Variants in BRAF observed in about 807,000 individuals in gnomAD.
BRAF encodes the protein B-Raf proto-oncogene, serine/threonine kinase.
BRAF carries 16 observed loss-of-function variants against 104.6 expected under a neutral mutation model. The observed-to-expected ratio is 0.15, with a 90% CI of 0.10 to 0.23. The LOEUF is 0.23. Among genes scored for constraint, BRAF ranks in the 10% least tolerant of loss-of-function variants. The pLI, the probability that BRAF is intolerant of heterozygous loss-of-function variation, is 1.00. For synonymous variants in BRAF, 310 were observed against 341.6 expected (o/e 0.91, Z 1.02); for missense variants, 541 against 937.3 (o/e 0.58, Z 5.52).
At chr7:140,818,314 ATTT>A (rs1327965535) in intron 3 of BRAF, among the ~76,000 whole-genome samples, 6 of 142,646 alleles carry the variant, frequency 4.2e-5, no homozygotes, top group African/African-American at 1.3e-4. Flanking sequence ...AAGTATTTTA[ATTT>A]TTTTTTTTTT....
At chr7:140,796,480 G>C (rs1404569587) in intron 7 of BRAF, among the ~76,000 whole-genome samples, 1 of 152,150 alleles carries the variant, frequency 6.6e-6, no homozygotes, top group African/African-American at 2.4e-5. Flanking sequence ...CACCAAGTTA[G>C]GAATATGACA....
At chr7:140,819,553 T>G (rs954058777) in intron 3 of BRAF, among the ~76,000 whole-genome samples, 1 of 152,136 alleles carries the variant, frequency 6.6e-6, no homozygotes, top group African/African-American at 2.4e-5. Context: ...GCAGCATTGC[T>G]CATAACAGCT....
At chr7:140,884,772 G>A (rs1412298995) in intron 1 of BRAF, among the ~76,000 whole-genome samples, 1 of 151,884 alleles carries the variant, frequency 6.6e-6, no homozygotes, top group African/African-American at 2.4e-5. Flanking sequence ...AAAAATTATG[G>A]AGGACCCTAG....
At chr7:140,851,861 A>G (rs1809196886) in intron 1 of BRAF, among the ~76,000 whole-genome samples, 1 of 152,160 alleles carries the variant, frequency 6.6e-6, no homozygotes, top group Non-Finnish European at 1.5e-5. Context: ...ATTTTGGAAA[A>G]TTCCCTATAC....
chr7:140,827,342 C>G (rs1488020628), intron 3 of BRAF, among the ~76,000 whole-genome samples: 1 of 152,142 alleles, frequency 6.6e-6, no homozygotes, highest in Non-Finnish European at 1.5e-5. Context: ...TCCATTGCTT[C>G]TGTGCAGTGC....
chr7:140,716,998 T>TTTTG (rs1221305729), downstream of BRAF, among the ~76,000 whole-genome samples: 3 of 152,188 alleles, frequency 2.0e-5, no homozygotes, highest in African/African-American at 7.2e-5. Context: ...AGCAGGTGCC[T>TTTTG]TTTGTTTACA....
At chr7:140,734,452 T>C in intron 19 of BRAF, 1 of 1,551,648 alleles carries the variant, frequency 6.4e-7, no homozygotes, top group Non-Finnish European at 8.6e-7. Context: ...GGGGAAAAAT[T>C]ATATCTAGTC....
In BRAF at chr7:140,725,796, C is replaced by A; in HGVS notation, c.*698G>T. Reference sequence around the variant, plus strand: ...TATCTAGCCTGCTTGGTTAGACAGACCCCTCAGTGAGCAAGGAAACAAAAG... The same window carrying A: ...TATCTAGCCTGCTTGGTTAGACAGAACCCTCAGTGAGCAAGGAAACAAAAG... On this transcript the variant is annotated 3_prime_UTR_variant, in exon 20 of 20. Transcript: ENST00000644969. 1.9e-6 allele frequency: 2 copies of A among 1,063,098 alleles called. No individual in the cohort carries two copies. The highest frequency in any genetic ancestry group is 1.1e-6 in the Non-Finnish European group (1 of 878,054). 65.9% of individuals were successfully genotyped at this position (1,063,098 alleles called of 1,614,324 possible).
At chr7:140,809,721 G>A (rs1416353047) in intron 3 of BRAF, among the ~76,000 whole-genome samples, 1 of 152,176 alleles carries the variant, frequency 6.6e-6, no homozygotes, top group East Asian at 1.9e-4. Flanking sequence ...TTCTACTGTA[G>A]TTCTGTAGAT....
intron 3 of BRAF, among the ~76,000 whole-genome samples, chr7:140,833,036 G>T (rs986860735): frequency 2.0e-5 from 3 of 151,820 alleles, no homozygotes; most frequent in Non-Finnish European, 4.4e-5. Context: ...ACCACGCCCC[G>T]CTAATCTTTT....
At chr7:140,922,626 A>G (rs1818350499) in intron 1 of BRAF, among the ~76,000 whole-genome samples, 1 of 152,252 alleles carries the variant, frequency 6.6e-6, no homozygotes, top group African/African-American at 2.4e-5. Flanking sequence ...CTACACATCT[A>G]TTACAGAGTA....
chr7:140,813,969 G>C (rs1229709178), intron 3 of BRAF, among the ~76,000 whole-genome samples: 2 of 151,906 alleles, frequency 1.3e-5, no homozygotes, highest in Non-Finnish European at 2.9e-5. Flanking sequence ...TGTATATTTA[G>C]GCCAGGGTGA....
intron 14 of BRAF, among the ~76,000 whole-genome samples, chr7:140,766,723 G>C (rs1183206677): frequency 1.3e-5 from 2 of 151,550 alleles, no homozygotes; most frequent in African/African-American, 2.4e-5. Flanking sequence ...GATAATTTTT[G>C]TATTTTTTGT....
intron 1 of BRAF, among the ~76,000 whole-genome samples, chr7:140,893,244 A>G (rs898714417): frequency 6.6e-5 from 10 of 150,656 alleles, no homozygotes; most frequent in South Asian, 4.2e-4. Context: ...GCTGTTCCCC[A>G]TAACATTCTT....
downstream of BRAF, among the ~76,000 whole-genome samples, chr7:140,718,739 G>T (rs1422601740): frequency 6.6e-6 from 1 of 152,140 alleles, no homozygotes; most frequent in Non-Finnish European, 1.5e-5. Context: ...CCAGTAATTT[G>T]ATATATTTTG....
intron 14 of BRAF, among the ~76,000 whole-genome samples, chr7:140,770,602 T>C (rs931702620): frequency 6.7e-6 from 1 of 148,926 alleles, no homozygotes; most frequent in African/African-American, 2.5e-5. Context: ...TCTTAAGATA[T>C]CTGGGTCCTT....
Position 140,722,470 on chromosome 7 carries a change from T to C in BRAF, c.*4024A>G. ...TTGGCAAATTGTCAAGGTATTTTTC[T>C]AGAGCCTCACCTACACCATTTCAAC... On this transcript the variant is annotated 3_prime_UTR_variant, in exon 20 of 20. Coordinates refer to ENST00000644969, the MANE Select transcript of BRAF (RefSeq NM_001374258.1). 9.5e-7 allele frequency: 1 copy of C among 1,055,542 alleles called. No individual in the cohort carries two copies. Among genetic ancestry groups the C allele is most frequent in the Non-Finnish European group, 1.1e-6 (1 of 873,114 alleles). 65.4% of individuals were successfully genotyped at this position (1,055,542 alleles called of 1,614,324 possible).
At position 140,721,653 on chromosome 7, in the gene BRAF, C is replaced by A; in HGVS notation, c.*4841G>T. 4 of 1,535,156 alleles carry A rather than the reference C, an allele frequency of 2.6e-6. No homozygotes were observed. The highest frequency in any genetic ancestry group is 3.5e-6 in the Non-Finnish European group (4 of 1,146,408). On this transcript the variant is annotated 3_prime_UTR_variant, in exon 20 of 20. Coordinates refer to ENST00000644969, the MANE Select transcript of BRAF (RefSeq NM_001374258.1). ...GAGATGCTACTACCCTCTTCTGGGG[C>A]TCAACTACCGATGGGCATCAGTAAT...
At chr7:140,890,017 T>C (rs1814038836) in intron 1 of BRAF, among the ~76,000 whole-genome samples, 1 of 152,222 alleles carries the variant, frequency 6.6e-6, no homozygotes, top group South Asian at 2.1e-4. Context: ...TGGTGAAGAC[T>C]TATGGTAAGG....
Sources: allele counts gnomAD v4.1 joint callset (sites outside exome capture counted in the v4.1 genomes callset), GRCh38; gene constraint gnomAD v4.1.1; transcripts MANE v1.5; gene names NCBI Gene and HGNC (gene_info 2026-07-23, HGNC 2026-07-21).